The following HSPG2 variants were observed in gnomAD, a reference collection of about 807,000 sequenced individuals.
HSPG2 encodes basement membrane-specific heparan sulfate proteoglycan core protein.
Under a neutral mutation model 526.6 loss-of-function variants are expected in HSPG2, and 278 were observed. That is an observed-to-expected ratio of 0.53 (90% CI 0.48 to 0.58). HSPG2 has a LOEUF of 0.58. Ranked by LOEUF, HSPG2 falls within the 20% of genes least tolerant of loss-of-function variation. The pLI is 0.00. For synonymous variants in HSPG2, 2,465 were observed against 2,555.4 expected, an observed-to-expected ratio of 0.96 and a Z score of 1.07; for missense variants, 5,354 against 6,099.5, an observed-to-expected ratio of 0.88 and a Z score of 4.07.
chr1:21,847,667 C>T lies in HSPG2; in HGVS notation c.8025+22G>A, dbSNP rs751896543. On this transcript the variant is annotated intron_variant, in intron 61 of 96. Transcript: ENST00000374695. The surrounding 1 kb of genome is among the most constrained non-coding windows in gnomAD (Gnocchi z 4.1). ...CCAGGAGACCATGGTTCCACCCCCG[C>T]TGCTGTGGCTCCACTCTGTACCTGG... The T allele has an allele frequency of 2.5e-6, 4 of 1,603,040 alleles. No individual in the cohort carries two copies. Among genetic ancestry groups the T allele is most frequent in the Non-Finnish European group, 3.4e-6 (4 of 1,175,044 alleles).
chr1:21,824,914 G>A lies in HSPG2; in HGVS notation c.12590-135C>T, dbSNP rs1037941734. On this transcript the variant is annotated intron_variant, in intron 91 of 96. Coordinates refer to ENST00000374695, the MANE Select transcript of HSPG2 (RefSeq NM_005529.7). This position sits in a 1 kb window ranked among gnomAD's most constrained non-coding sequence, Gnocchi z 5.9. Reference sequence around the variant, plus strand: ...GAGCCTGCAGTCCCTGGGGACCCACGGGGGCTGCCAACAGAATTCAGGGAG... The same window carrying A: ...GAGCCTGCAGTCCCTGGGGACCCACAGGGGCTGCCAACAGAATTCAGGGAG... The A allele has an allele frequency of 5.2e-5, 41 of 788,074 alleles. No individual in the cohort carries two copies. The Admixed American group carries it at 6.5e-4, about 12-fold the overall frequency. The allele number at this position is 788,074 out of a possible 1,614,324, so 48.8% of individuals were successfully genotyped here.
rs1642289325 is a variant in HSPG2, at chr1:21,890,609, C to A, written c.330G>T (p.Glu110Asp). 1 of 1,613,732 alleles carries A rather than the reference C, an allele frequency of 6.2e-7. No individual in the cohort carries two copies. The highest frequency in any genetic ancestry group is 8.5e-7 in the Non-Finnish European group (1 of 1,179,592). ...CCGTGTCTACCACAGCCTCGGACAC[C>A]TCTCGGAACTCTCTGGAGCCTGCAT... ...LEDAGSREFR[E>D]VSEAVVDTLE... Residue 110 changes from glutamate to aspartate, a missense_variant, in exon 4 of 97, where the codon GAG (glutamate) becomes GAT (aspartate). Transcript: ENST00000374695. The surrounding 1 kb of genome is among the most constrained non-coding windows in gnomAD (Gnocchi z 4.1).
At chr1:21,921,424 C>A (rs1391133127) in intron 1 of HSPG2, among the ~76,000 whole-genome samples, 1 of 152,202 alleles carries the variant, frequency 6.6e-6, no homozygotes, top group Non-Finnish European at 1.5e-5. Context: ...GTTCACATTG[C>A]ACCTAGACCC....
At chr1:21,901,599 G>T (rs1464305594) in intron 1 of HSPG2, among the ~76,000 whole-genome samples, 3 of 152,050 alleles carry the variant, frequency 2.0e-5, no homozygotes, top group African/African-American at 7.3e-5. Flanking sequence ...CATGCCTTCA[G>T]CAGCCAGTCC....
chr1:21,906,731 T>TTG (rs1553177637), intron 1 of HSPG2, among the ~76,000 whole-genome samples: 11,244 of 50,648 alleles, frequency 0.22, 1,086 homozygotes, highest in East Asian at 0.41. Flanking sequence ...GACTGGGGGG[T>TTG]GGGGGGGGGT....
rs937530784 is a variant in HSPG2 at position 21,896,608 on chromosome 1, G to A, written c.64-298C>T. Among the ~76,000 whole-genome samples, 195 of 152,276 alleles carry A rather than the reference G, an allele frequency of 1.3e-3. 2 individuals are homozygous for A. The highest frequency in any genetic ancestry group is 7.4e-4 in the Non-Finnish European group (50 of 68,010). On this transcript the variant is annotated intron_variant, in intron 1 of 96. Coordinates refer to ENST00000374695, the MANE Select transcript of HSPG2 (RefSeq NM_005529.7). ...GGTAAGTAAAGACTCCTTTTCCTTT[G>A]GAGAAGGCAAGGGACACCCAGGACA...
At position 21,842,595 on chromosome 1, in the gene HSPG2, G is replaced by A. The variant is rs376918097; in HGVS notation, c.8910+175C>T. 3.0e-4 allele frequency among the ~76,000 whole-genome samples: 45 copies of A among 152,230 alleles called. 1 individual carries two copies. In the South Asian group the frequency reaches 7.9e-3, roughly 27 times the overall value. On this transcript the variant is annotated intron_variant, in intron 67 of 96. Coordinates refer to ENST00000374695, the MANE Select transcript of HSPG2 (RefSeq NM_005529.7). ...GCCCAGGAAAGGATTCAGCTGCAGA[G>A]CCAAGAGAAAAACCCAGGTCTCCTG... is the stretch of plus-strand genomic sequence containing the variant.
intron 74 of HSPG2, 150 bp from the exon 75 acceptor site, chr1:21,837,156 G>C (rs2098029774): frequency 1.3e-6 from 1 of 743,590 alleles, no homozygotes; most frequent in Non-Finnish European, 2.3e-6. Flanking sequence ...TTCAGTGGCA[G>C]ATTCATTCAT....
intron 96 of HSPG2, 58 bp from the exon 97 acceptor site, chr1:21,823,546 G>C: frequency 1.2e-6 from 2 of 1,609,316 alleles, no homozygotes. Context: ...AGGCGAGGAA[G>C]GCTGGGCGAG....
intron 75 of HSPG2, among the ~76,000 whole-genome samples, chr1:21,836,431 C>T (rs1478673240): frequency 6.6e-6 from 1 of 152,186 alleles, no homozygotes; most frequent in East Asian, 1.9e-4. Context: ...AAGTGATTCT[C>T]CTGCCTCAGC....
intron 96 of HSPG2, 57 bp downstream of exon 96, chr1:21,823,559 C>G: frequency 6.2e-7 from 1 of 1,610,570 alleles, no homozygotes. Context: ...TGGGCGAGCT[C>G]TAGCCCTAAG....
intron 33 of HSPG2, chr1:21,869,548 G>C: frequency 3.0e-6 from 3 of 987,396 alleles, no homozygotes; most frequent in Non-Finnish European, 3.6e-6. Context: ...TGCTCGCAGA[G>C]CAGCTGCAGG....
intron 1 of HSPG2, among the ~76,000 whole-genome samples, chr1:21,913,042 G>A (rs930656800): frequency 1.3e-5 from 2 of 151,828 alleles, no homozygotes; most frequent in Non-Finnish European, 2.9e-5. Flanking sequence ...TTGGGCAGCC[G>A]TGAGAAGAGA....
At position 21,904,761 on chromosome 1, in the gene HSPG2, C is replaced by A. The variant is rs1307485194; in HGVS notation, c.64-8451G>T. 6.6e-6 allele frequency among the ~76,000 whole-genome samples: 1 copy of A among 152,188 alleles called. No homozygotes were observed. Among genetic ancestry groups the A allele is most frequent in the Non-Finnish European group, 1.5e-5 (1 of 68,022 alleles). ...TCCCTGGGGGTCGAACACTATCTGCCAGGCACCACGGCTGCCGGCAACACC... is the reference window on the plus strand; with the variant it reads ...TCCCTGGGGGTCGAACACTATCTGCAAGGCACCACGGCTGCCGGCAACACC... On this transcript the variant is annotated intron_variant, in intron 1 of 96. Transcript: ENST00000374695. This position sits in a 1 kb window ranked among gnomAD's most constrained non-coding sequence, Gnocchi z 4.4.
rs1262445342 is a variant in HSPG2 at position 21,836,978 on chromosome 1, G to A, written c.10179C>T (p.Ser3393=). The A allele has an allele frequency of 2.6e-6, 4 of 1,553,430 alleles. No homozygotes were observed. Among genetic ancestry groups the A allele is most frequent in the Middle Eastern group, 1.7e-4 (1 of 5,992 alleles). ...CGGTGGGCGTGGACCCTGCTGGGATGGAGGTGGCAGGGAGAGAGCCGGGAG... is the reference window on the plus strand; with the variant it reads ...CGGTGGGCGTGGACCCTGCTGGGATAGAGGTGGCAGGGAGAGAGCCGGGAG... ...QGPPGSLPAT[S]IPAGSTPTVQ... The change falls in exon 75 of 97, where the codon TCC becomes TCT. Residue 3393 remains serine, a synonymous_variant. Transcript: ENST00000374695.
rs556436195 is a variant in HSPG2, at chr1:21,908,853, C to T, written c.64-12543G>A. 5.7e-4 allele frequency among the ~76,000 whole-genome samples: 87 copies of T among 152,306 alleles called. No homozygotes were observed. The South Asian group carries it at 9.9e-3, about 17-fold the overall frequency. ...TTACAAAGTCAGGACAGGCTGGGTG[C>T]GGTGGCTCACGCCTATAATTCCAGC... On this transcript the variant is annotated intron_variant, in intron 1 of 96. Transcript: ENST00000374695.
At position 21,828,530 on chromosome 1, in the gene HSPG2, T is replaced by C. The variant is rs1348630233; in HGVS notation, c.12238-104A>G. On this transcript the variant is annotated intron_variant, in intron 88 of 96. Transcript: ENST00000374695. The surrounding 1 kb of genome is among the most constrained non-coding windows in gnomAD (Gnocchi z 6.0). ...AGCAGAGGGGAGCTGGGAGCCCACA[T>C]TGGGCCCTGAGTGGTAGCATGGATT... 4 of 1,251,192 alleles carry C rather than the reference T, an allele frequency of 3.2e-6. No individual in the cohort carries two copies. Among genetic ancestry groups the C allele is most frequent in the East Asian group, 2.4e-5 (1 of 42,436 alleles). The allele number at this position is 1,251,192 out of a possible 1,614,324, so 77.5% of individuals were successfully genotyped here.
Position 21,847,607 on chromosome 1 carries a change from C to T in HSPG2, c.8025+82G>A. On this transcript the variant is annotated intron_variant, in intron 61 of 96. Transcript: ENST00000374695. This position sits in a 1 kb window ranked among gnomAD's most constrained non-coding sequence, Gnocchi z 4.1. ...AGGCTGCTATCGGTCTACCCAGGGCCCAATCCGTGAGACAGGGAGCCTGCT... is the reference window on the plus strand; with the variant it reads ...AGGCTGCTATCGGTCTACCCAGGGCTCAATCCGTGAGACAGGGAGCCTGCT... 1 of 1,606,368 alleles carries T rather than the reference C, an allele frequency of 6.2e-7. No individual in the cohort carries two copies. The highest frequency in any genetic ancestry group is 1.3e-5 in the African/African-American group (1 of 74,884).
At chr1:21,900,864 G>A (rs1458939585) in intron 1 of HSPG2, among the ~76,000 whole-genome samples, 1 of 151,872 alleles carries the variant, frequency 6.6e-6, no homozygotes, top group Non-Finnish European at 1.5e-5. Context: ...CAGCCTGGGC[G>A]ACAGAGCAAG....
Sources: gnomAD v4.1 joint callset for allele counts (sites outside exome capture counted in the v4.1 genomes callset) on GRCh38, gnomAD v4.1.1 for gene constraint, Gnocchi (gnomAD v3.1) non-coding constraint, MANE v1.5 for transcripts, NCBI Gene and HGNC (gene_info 2026-07-23, HGNC 2026-07-21) for gene names.